The following TNS1 variants were observed in gnomAD, a reference collection of about 807,000 sequenced individuals.
TNS1 encodes the protein tensin-1.
Under a neutral mutation model 168.6 loss-of-function variants are expected in TNS1, and 62 were observed. The ratio of observed to expected loss-of-function variants is 0.37; its 90% confidence interval spans 0.30 to 0.45. TNS1 has a LOEUF of 0.45. TNS1 is among the 20% of genes least tolerant of loss of function. The pLI is 1.00. For synonymous variants in TNS1, 934 were observed against 933.2 expected (o/e 1.00, Z -0.02); for missense variants, 2,240 against 2,339.4 (o/e 0.96, Z 0.88).
chr2:217,869,144 A>G (rs1479430954), intron 18 of TNS1, among the ~76,000 whole-genome samples: 1 of 152,184 alleles, frequency 6.6e-6, no homozygotes, highest in East Asian at 1.9e-4. Flanking sequence ...GAAAGCAGGG[A>G]CTCAGAGAGT....
At chr2:217,917,161 C>T (rs371961807) in intron 4 of TNS1, among the ~76,000 whole-genome samples, 1 of 152,146 alleles carries the variant, frequency 6.6e-6, no homozygotes, top group East Asian at 1.9e-4. Context: ...GCAGCTGCCA[C>T]CTTCCCCCAT....
chr2:217,951,427 A>T (rs541796057), intron 3 of TNS1, among the ~76,000 whole-genome samples: 50 of 152,328 alleles, frequency 3.3e-4, no homozygotes, highest in Admixed American at 2.0e-4. Flanking sequence ...GGATTAACTC[A>T]TTCTAATCCT....
intron 18 of TNS1, chr2:217,858,685 CA>C: frequency 4.9e-6 from 1 of 204,298 alleles, no homozygotes; most frequent in Non-Finnish European, 8.5e-6. Context: ...CACACACACA[CA>C]CACACACACA....
intron 3 of TNS1, among the ~76,000 whole-genome samples, chr2:217,934,869 G>A (rs1956520347): frequency 6.6e-6 from 1 of 152,236 alleles, no homozygotes; most frequent in South Asian, 2.1e-4. Context: ...AAGACTAGGA[G>A]CCTCTCTGTT....
At chr2:218,015,939 C>A (rs1958755871) in intron 1 of TNS1, among the ~76,000 whole-genome samples, 1 of 152,184 alleles carries the variant, frequency 6.6e-6, no homozygotes, top group African/African-American at 2.4e-5. Flanking sequence ...TGGGTCTGAG[C>A]CCAGGCTCCC....
chr2:217,810,381 G>A (rs1192946381), intron 28 of TNS1, 62 bp from the exon 29 acceptor site: 1 of 1,536,616 alleles, frequency 6.5e-7, no homozygotes. Flanking sequence ...AAGTTTGGCT[G>A]GGCTGAAGGT....
chr2:217,804,724 G>A, intron 32 of TNS1, 121 bp from the exon 33 acceptor site: 1 of 1,305,554 alleles, frequency 7.7e-7, no homozygotes, highest in Non-Finnish European at 1.0e-6. Context: ...CCTCCAGCAG[G>A]CCTCAGCATC....
Position 218,033,204 on chromosome 2 carries a change from C to G in TNS1, c.156+616G>C, listed in dbSNP as rs1037016953. ...TCCTACTCTCCCAGGAAGAAACCAG[C>G]ACCACACCTATCCCAGGCCTGATGG... On this transcript the variant is annotated intron_variant, in intron 1 of 1. Transcript: ENST00000649572. This position sits in a 1 kb window ranked among gnomAD's most constrained non-coding sequence, Gnocchi z 4.3. Among the ~76,000 whole-genome samples, 8 of 152,180 alleles carry G rather than the reference C, an allele frequency of 5.3e-5. No homozygotes were observed. The highest frequency in any genetic ancestry group is 8.8e-5 in the Non-Finnish European group (6 of 68,014).
chr2:218,018,156 G>A lies in TNS1; in HGVS notation c.156+15664C>T, dbSNP rs76533105. On this transcript the variant is annotated intron_variant, in intron 1 of 1. Coordinates refer to the TNS1 transcript ENST00000649572. Reference sequence around the variant, plus strand: ...CACAGCAACAATTTCCTGAGCCCCCGCAGCCCAACTCAAGACAAACACCAG... The same window carrying A: ...CACAGCAACAATTTCCTGAGCCCCCACAGCCCAACTCAAGACAAACACCAG... Among the ~76,000 whole-genome samples the A allele has an allele frequency of 4.5e-3, 690 of 152,282 alleles. 5 individuals carry two copies. The highest frequency in any genetic ancestry group is 0.015 in the African/African-American group (641 of 41,548).
At position 218,031,312 on chromosome 2, in the gene TNS1, AGT is replaced by A. The variant is rs770561306; in HGVS notation, c.156+2506_156+2507del. Among the ~76,000 whole-genome samples the A allele has an allele frequency of 2.4e-4, 24 of 100,248 alleles. 1 individual carries two copies. Among genetic ancestry groups the A allele is most frequent in the Admixed American group, 1.1e-3 (10 of 9,380 alleles). 65.8% of individuals were successfully genotyped at this position (100,248 alleles called of 152,430 possible). On this transcript the variant is annotated intron_variant, in intron 1 of 1. Transcript: ENST00000649572. ...GTGTGTGAGTGTGTCTTTGTGTATG[AGT>A]GTGGGTGTGTGAGCATGTCTGTGTG...
intron 3 of TNS1, among the ~76,000 whole-genome samples, chr2:217,941,771 T>C (rs567803882): frequency 1.3e-5 from 2 of 152,302 alleles, no homozygotes; most frequent in African/African-American, 4.8e-5. Context: ...CCTTACAAGA[T>C]AGCCCATCCT....
At chr2:217,840,221 C>T (rs2552533) in intron 19 of TNS1, among the ~76,000 whole-genome samples, 2,799 of 152,234 alleles carry the variant, frequency 0.018, 78 homozygotes, top group African/African-American at 0.064. Flanking sequence ...TAGGGCAGGC[C>T]TGAGCATGGC....
At chr2:217,888,270 C>A (rs1951405861) in intron 12 of TNS1, among the ~76,000 whole-genome samples, 1 of 152,156 alleles carries the variant, frequency 6.6e-6, no homozygotes, top group Middle Eastern at 3.2e-3. Flanking sequence ...ACAGGCAAAG[C>A]CCCTCCCTCT....
intron 11 of TNS1, among the ~76,000 whole-genome samples, chr2:217,892,084 T>C: frequency 6.6e-6 from 1 of 152,170 alleles, no homozygotes; most frequent in Non-Finnish European, 1.5e-5. Context: ...GCCTGGCACA[T>C]TGTCTGTTCA....
At chr2:217,836,917 C>A (rs1479532910) in intron 19 of TNS1, among the ~76,000 whole-genome samples, 2 of 152,168 alleles carry the variant, frequency 1.3e-5, no homozygotes, top group Non-Finnish European at 2.9e-5. Flanking sequence ...TGTGCTCCAT[C>A]TGCTTTTCTG....
chr2:217,954,185 G>A (rs1034705359), intron 3 of TNS1, among the ~76,000 whole-genome samples: 5 of 152,216 alleles, frequency 3.3e-5, no homozygotes, highest in African/African-American at 1.2e-4. Context: ...TGTGGAAGGA[G>A]GCAGGAGCCA....
chr2:217,805,454 T>TCACACACACCACACACCA (rs1938367606), intron 32 of TNS1, among the ~76,000 whole-genome samples: 4 of 38,374 alleles, frequency 1.0e-4, no homozygotes, highest in African/African-American at 4.2e-4. Flanking sequence ...ATACACACCA[T>TCACACACACCACACACCA]CACACACACC....
intron 24 of TNS1, 174 bp from the exon 25 acceptor site, chr2:217,815,172 G>A (rs909234825): frequency 1.8e-5 from 11 of 597,398 alleles, no homozygotes; most frequent in Non-Finnish European, 6.1e-6. Flanking sequence ...CCTTAATCCA[G>A]TATGCCTGTA....
Position 217,900,538 on chromosome 2 carries a change from A to C in TNS1, c.322-26T>G. ...CTGGGAAGGAGAGAAGAGAAGCAGCATTATGCAGGGGTGGGCAGGATGGCA... is the reference window on the plus strand; with the variant it reads ...CTGGGAAGGAGAGAAGAGAAGCAGCCTTATGCAGGGGTGGGCAGGATGGCA... On this transcript the variant is annotated intron_variant, in intron 6 of 32. Transcript: ENST00000682258. The C allele has an allele frequency of 2.0e-6, 3 of 1,535,454 alleles. No homozygotes were observed. The Middle Eastern group carries it at 5.0e-4, about 258-fold the overall frequency.
Sources: allele counts gnomAD v4.1 joint callset (sites outside exome capture counted in the v4.1 genomes callset), GRCh38; gene constraint gnomAD v4.1.1; non-coding constraint Gnocchi (gnomAD v3.1); transcripts MANE v1.5; gene names NCBI Gene and HGNC (gene_info 2026-07-23, HGNC 2026-07-21).